The following GRIA3 variants were observed in gnomAD, a reference collection of about 807,000 sequenced individuals.
GRIA3 encodes glutamate ionotropic receptor AMPA type subunit 3, also known as glutamate receptor 3.
A neutral mutation model predicts 63.0 loss-of-function variants in GRIA3; 3 were observed. That is an observed-to-expected ratio of 0.05 (90% confidence interval 0.02 to 0.12). GRIA3 has a LOEUF of 0.12. Among genes scored for constraint, GRIA3 ranks in the 10% least tolerant of loss-of-function variants. The pLI is 1.00. For missense variants in GRIA3, 347 were observed against 700.9 expected (o/e 0.50, Z 5.70); for synonymous variants, 274 against 257.9 (o/e 1.06, Z -0.60).
chrX:123,307,640 A>G (rs189314432), intron 3 of GRIA3, among the ~76,000 whole-genome samples: 351 of 111,713 alleles, frequency 3.1e-3, no homozygotes, highest in African/African-American at 0.011. Context: ...TTCATATCAG[A>G]TGCCCAGGCA....
intron 5 of GRIA3, among the ~76,000 whole-genome samples, chrX:123,375,082 T>C (rs1204746392): frequency 8.9e-6 from 1 of 111,872 alleles, no homozygotes; most frequent in Non-Finnish European, 1.9e-5. Context: ...GACTGTCATA[T>C]GGCTTTTATT....
At chrX:123,387,490 T>C (rs2045360304) in intron 5 of GRIA3, among the ~76,000 whole-genome samples, 1 of 111,444 alleles carries the variant, frequency 9.0e-6, no homozygotes, top group South Asian at 3.9e-4. Context: ...GTGATGAAAG[T>C]GTGCATCCTT....
intron 11 of GRIA3, among the ~76,000 whole-genome samples, chrX:123,427,330 A>G: frequency 9.0e-6 from 1 of 110,857 alleles, no homozygotes; most frequent in Middle Eastern, 4.2e-3. Flanking sequence ...GCTTTAAAAA[A>G]TTTAAATGTC....
intron 5 of GRIA3, among the ~76,000 whole-genome samples, chrX:123,364,356 G>A (rs772467073): frequency 1.8e-5 from 2 of 111,750 alleles, no homozygotes; most frequent in Non-Finnish European, 1.9e-5. Context: ...AATAGCCTAT[G>A]TAATCATTGG....
chrX:123,291,865 C>T (rs764942570), intron 3 of GRIA3, among the ~76,000 whole-genome samples: 22 of 110,871 alleles, frequency 2.0e-4, no homozygotes, highest in Non-Finnish European at 3.8e-4. Context: ...AGGCAACAAA[C>T]GATGCCTGCC....
intron 12 of GRIA3, among the ~76,000 whole-genome samples, chrX:123,463,700 A>AAGAGAGAGAG (rs1569440915): frequency 1.4e-5 from 1 of 71,139 alleles, no homozygotes; most frequent in Non-Finnish European, 2.5e-5. Context: ...GAAAGAAAGA[A>AAGAGAGAGAG]AAAGAAAGAA....
rs187260275 is a variant in GRIA3, at chrX:123,415,149, A to C, written c.1501-2253A>C. On this transcript the variant is annotated intron_variant, in intron 10 of 15. Transcript: ENST00000620443. ...GAGATGGTATCTCATTGTGGTTTTG[A>C]TTTGCATTTCTCTGACGACCAGTGA... 2.8e-3 allele frequency among the ~76,000 whole-genome samples: 317 copies of C among 111,622 alleles called. 1 individual carries two copies. Among genetic ancestry groups the C allele is most frequent in the African/African-American group, 9.7e-3 (298 of 30,688 alleles).
chrX:123,386,432 C>T (rs892123984), intron 5 of GRIA3, among the ~76,000 whole-genome samples: 1 of 111,488 alleles, frequency 9.0e-6, no homozygotes, highest in Non-Finnish European at 1.9e-5. Flanking sequence ...TTGATTGTTT[C>T]CTTTACTGTG....
At chrX:123,303,075 T>C (rs1353127789) in intron 3 of GRIA3, among the ~76,000 whole-genome samples, 3 of 111,576 alleles carry the variant, frequency 2.7e-5, no homozygotes, top group Non-Finnish European at 3.8e-5. Flanking sequence ...AACATTTATT[T>C]AAAGTAAAAT....
chrX:123,217,987 TG>T (rs759587096), intron 2 of GRIA3, among the ~76,000 whole-genome samples: 15 of 112,733 alleles, frequency 1.3e-4, no homozygotes, highest in African/African-American at 4.2e-4. Context: ...TATAATCGTT[TG>T]GGGGAGGGGA....
chrX:123,248,893 A>G (rs2044374419), intron 2 of GRIA3, among the ~76,000 whole-genome samples: 1 of 112,409 alleles, frequency 8.9e-6, no homozygotes, highest in Admixed American at 9.4e-5. Context: ...CCAAAAGATC[A>G]CCAATCTGCA....
chrX:123,228,637 T>A (rs981352268), intron 2 of GRIA3, among the ~76,000 whole-genome samples: 2 of 111,569 alleles, frequency 1.8e-5, no homozygotes, highest in African/African-American at 6.5e-5. Flanking sequence ...GTATTAAGGA[T>A]CCATTCAAAA....
At chrX:123,203,625 G>A (rs919101026) in intron 2 of GRIA3, among the ~76,000 whole-genome samples, 2 of 111,475 alleles carry the variant, frequency 1.8e-5, no homozygotes, top group African/African-American at 3.3e-5. Context: ...CACAGCAGAC[G>A]TCCATGCTCT....
intron 10 of GRIA3, among the ~76,000 whole-genome samples, chrX:123,405,272 C>T: frequency 8.9e-6 from 1 of 111,952 alleles, no homozygotes; most frequent in Non-Finnish European, 1.9e-5. Flanking sequence ...CATCATCTTT[C>T]CTCATTGTTC....
At chrX:123,463,795 AAAG>A (rs2045819808) in intron 12 of GRIA3, among the ~76,000 whole-genome samples, 1 of 109,335 alleles carries the variant, frequency 9.1e-6, no homozygotes, top group African/African-American at 3.4e-5. Context: ...AAAGAGAAAG[AAAG>A]AAGAAAGAGA....
intron 10 of GRIA3, among the ~76,000 whole-genome samples, chrX:123,414,061 T>C (rs1174666549): frequency 9.0e-6 from 1 of 111,716 alleles, no homozygotes; most frequent in Non-Finnish European, 1.9e-5. Flanking sequence ...CAAGAAACAA[T>C]TTCAGTAATT....
chrX:123,213,266 A>T (rs1928082854), intron 2 of GRIA3, among the ~76,000 whole-genome samples: 2 of 112,342 alleles, frequency 1.8e-5, no homozygotes. Context: ...AGACAAAATG[A>T]CCTGGGTGTA....
At chrX:123,223,965 C>G (rs770249758) in intron 2 of GRIA3, among the ~76,000 whole-genome samples, 5 of 111,431 alleles carry the variant, frequency 4.5e-5, no homozygotes, top group Non-Finnish European at 9.4e-5. Context: ...ATCATCTCAC[C>G]TTGCCCATTT....
intron 2 of GRIA3, among the ~76,000 whole-genome samples, chrX:123,232,085 G>A (rs766974012): frequency 9.0e-5 from 10 of 111,650 alleles, no homozygotes; most frequent in South Asian, 3.8e-4. Context: ...GTTAAATGAT[G>A]CTTACTGAAA....
Sources: allele counts gnomAD v4.1 joint callset (sites outside exome capture counted in the v4.1 genomes callset), GRCh38; gene constraint gnomAD v4.1.1; transcripts MANE v1.5; gene names NCBI Gene and HGNC (gene_info 2026-07-23, HGNC 2026-07-21).